ENPP3: variants seen among roughly 807,000 people sequenced by gnomAD.
The protein encoded by ENPP3 is ectonucleotide pyrophosphatase/phosphodiesterase family member 3.
A neutral mutation model predicts 117.8 loss-of-function variants in ENPP3; 104 were observed. The observed-to-expected ratio is 0.88, with a 90% confidence interval of 0.75 to 1.04. The LOEUF is 1.04. Ranked by LOEUF, ENPP3 falls within the 50% of genes least tolerant of loss-of-function variation. The pLI is 0.00. For synonymous variants in ENPP3, 380 were observed against 349.9 expected (o/e 1.09, Z -0.96); for missense variants, 1,026 against 1,051.9 (o/e 0.98, Z 0.34).
chr6:131,742,839 T>C (rs1400063841), intron 24 of ENPP3, among the ~76,000 whole-genome samples: 1 of 152,134 alleles, frequency 6.6e-6, no homozygotes, highest in East Asian at 1.9e-4. Flanking sequence ...CATCTGGGCG[T>C]CAAGGTAAAG....
Position 131,746,786 on chromosome 6 carries a change from G to C in ENPP3, c.2458G>C (p.Glu820Gln). 1.3e-6 allele frequency: 2 copies of C among 1,591,002 alleles called. No homozygotes were observed. Among genetic ancestry groups the C allele is most frequent in the Non-Finnish European group, 1.7e-6 (2 of 1,173,370 alleles). Reference sequence around the variant, plus strand: ...AAAGTGTTGTGCTTTTCTTTTTCAGGAAGGTAAACCAGAAGCTCTTTGGGT... The same window carrying C: ...AAAGTGTTGTGCTTTTCTTTTTCAGCAAGGTAAACCAGAAGCTCTTTGGGT... Reference protein sequence around the residue: ...HRPTNVESCPEGKPEALWVEE... With the variant: ...HRPTNVESCPQGKPEALWVEE... The change falls in exon 25 of 25, where the codon GAA (glutamate) becomes CAA (glutamine). Residue 820 changes from glutamate (E) to glutamine (Q), a missense_variant and splice_region_variant. Transcript: ENST00000357639.
At chr6:131,715,638 C>T (rs1779871776) in intron 15 of ENPP3, among the ~76,000 whole-genome samples, 1 of 151,678 alleles carries the variant, frequency 6.6e-6, no homozygotes, top group Admixed American at 6.6e-5. Context: ...CTCCACTCCA[C>T]AACCAGGCAG....
intron 17 of ENPP3, among the ~76,000 whole-genome samples, chr6:131,721,865 C>G (rs960083937): frequency 3.9e-5 from 6 of 152,196 alleles, no homozygotes; most frequent in South Asian, 4.1e-4. Context: ...GAAAGTTCCT[C>G]TGGCTCATCT....
chr6:131,646,744 C>CT (rs60833768), intron 2 of ENPP3, among the ~76,000 whole-genome samples: 22,416 of 128,708 alleles, frequency 0.17, 2,575 homozygotes, highest in Non-Finnish European at 0.27. Flanking sequence ...AAGCTCTTGG[C>CT]TTTTTTTTTT....
chr6:131,732,710 C>CATTATTATTATTATTATT (rs71030755), intron 20 of ENPP3, among the ~76,000 whole-genome samples: 1 of 131,750 alleles, frequency 7.6e-6, no homozygotes, highest in African/African-American at 2.8e-5. Context: ...TGGCCTAAGA[C>CATTATTATTATTATTATT]ATTATTATTA....
chr6:131,715,123 TTG>T (rs1265341632), intron 15 of ENPP3, among the ~76,000 whole-genome samples: 1 of 149,528 alleles, frequency 6.7e-6, no homozygotes, highest in Non-Finnish European at 1.5e-5. Context: ...GGCACTGGAA[TTG>T]TGTTTTCCCC....
intron 6 of ENPP3, among the ~76,000 whole-genome samples, chr6:131,669,017 C>T (rs952511865): frequency 1.3e-5 from 2 of 152,142 alleles, no homozygotes; most frequent in Non-Finnish European, 2.9e-5. Flanking sequence ...TTTACAATAC[C>T]GGTAGCTTAA....
chr6:131,650,258 T>TGCCACTGCACTCCA, intron 3 of ENPP3, 109 bp downstream of exon 3: 1 of 1,205,062 alleles, frequency 8.3e-7, no homozygotes, highest in Non-Finnish European at 1.2e-6. Flanking sequence ...GTCACTCTGT[T>TGCCACTGCACTCCA]GCCTAGGCTG....
At chr6:131,668,436 A>T (rs1280940730) in intron 6 of ENPP3, among the ~76,000 whole-genome samples, 2 of 151,792 alleles carry the variant, frequency 1.3e-5, no homozygotes, top group African/African-American at 4.8e-5. Flanking sequence ...GCTGGTCTTG[A>T]ACTCCTGACC....
At chr6:131,672,471 T>C (rs1413802144) in intron 7 of ENPP3, among the ~76,000 whole-genome samples, 14 of 152,076 alleles carry the variant, frequency 9.2e-5, no homozygotes, top group Non-Finnish European at 2.1e-4. Flanking sequence ...ACAATATACA[T>C]AAATAATGTG....
chr6:131,688,579 A>G lies in ENPP3; in HGVS notation c.1284+2672A>G, dbSNP rs934015158. ...AAAGTGAAACAGCCTCATTGCTGACATGGAGAAAGTTTTAGTGGCTGGATA... is the reference window on the plus strand; with the variant it reads ...AAAGTGAAACAGCCTCATTGCTGACGTGGAGAAAGTTTTAGTGGCTGGATA... On this transcript the variant is annotated intron_variant, in intron 14 of 24. Transcript: ENST00000357639. Among the ~76,000 whole-genome samples, 5 of 152,222 alleles carry G rather than the reference A, an allele frequency of 3.3e-5. No individual in the cohort carries two copies. The South Asian group carries it at 6.2e-4, about 19-fold the overall frequency.
intron 11 of ENPP3, 93 bp downstream of exon 11, chr6:131,678,033 G>A: frequency 1.4e-6 from 1 of 706,058 alleles, no homozygotes; most frequent in Non-Finnish European, 2.4e-6. Context: ...CTTCTACTGA[G>A]CACAAATGTA....
In ENPP3 at chr6:131,726,187, C is replaced by T; in HGVS notation, c.1940C>T (p.Thr647Ile). 1 of 1,613,616 alleles carries T rather than the reference C, an allele frequency of 6.2e-7. No homozygotes were observed. The highest frequency in any genetic ancestry group is 1.1e-5 in the South Asian group (1 of 91,018). The change falls in exon 20 of 25, where the codon ACA becomes ATA. Residue 647 changes from threonine to isoleucine, a missense_variant. By Grantham distance (89) the Thr-to-Ile change is moderately conservative (BLOSUM62 -1). Coordinates refer to ENST00000357639, the MANE Select transcript of ENPP3 (RefSeq NM_005021.5). The part of the protein sequence containing the change: ...AMRMPMWSSY[T>I]VPQLGDTSPL... The stretch of plus-strand genomic sequence containing the variant: ...AGGATGCCCATGTGGAGTTCATACA[C>T]AGTCCCCCAGTTGGTAAGTTCCTGA...
intron 21 of ENPP3, 42 bp from the exon 22 acceptor site, chr6:131,737,313 T>G (rs753012169): frequency 8.0e-7 from 1 of 1,255,902 alleles, no homozygotes; most frequent in Non-Finnish European, 1.2e-6. Flanking sequence ...ATGTCATATT[T>G]TCTCTTATAG....
At chr6:131,729,151 T>G (rs942734783) in intron 20 of ENPP3, among the ~76,000 whole-genome samples, 1 of 152,168 alleles carries the variant, frequency 6.6e-6, no homozygotes, top group African/African-American at 2.4e-5. Context: ...TTAAAAAGCC[T>G]TTTTTCTTGT....
intron 23 of ENPP3, 73 bp downstream of exon 23, chr6:131,738,236 A>G (rs1780444398): frequency 4.1e-6 from 5 of 1,214,828 alleles, no homozygotes; most frequent in African/African-American, 1.5e-5. Context: ...AGTAAAGCTC[A>G]GTATTTTAAA....
At chr6:131,658,764 C>G (rs1033162101) in intron 6 of ENPP3, among the ~76,000 whole-genome samples, 1 of 152,154 alleles carries the variant, frequency 6.6e-6, no homozygotes, top group Non-Finnish European at 1.5e-5. Flanking sequence ...GAGAATATAG[C>G]GAGAACCGGA....
intron 6 of ENPP3, among the ~76,000 whole-genome samples, chr6:131,667,648 G>A (rs904878404): frequency 2.6e-5 from 4 of 152,168 alleles, no homozygotes; most frequent in African/African-American, 7.2e-5. Context: ...ATATAGCATC[G>A]TTCTGGGAAT....
At chr6:131,646,489 G>A (rs1030312787) in intron 2 of ENPP3, among the ~76,000 whole-genome samples, 1 of 151,956 alleles carries the variant, frequency 6.6e-6, no homozygotes, top group African/African-American at 2.4e-5. Flanking sequence ...TTACCCTCCT[G>A]TATGTCTGTT....
Sources: allele counts gnomAD v4.1 joint callset (sites outside exome capture counted in the v4.1 genomes callset), GRCh38; gene constraint gnomAD v4.1.1; transcripts MANE v1.5; gene names NCBI Gene and HGNC (gene_info 2026-07-23, HGNC 2026-07-21).